Variants in CDK13 observed in about 807,000 individuals in gnomAD.
The protein encoded by CDK13 is cyclin-dependent kinase 13.
Under a neutral mutation model 137.6 loss-of-function variants are expected in CDK13, and 40 were observed. The ratio of observed to expected loss-of-function variants is 0.29; its 90% CI spans 0.23 to 0.38. The LOEUF is 0.38. Ranked by LOEUF, CDK13 falls within the 10% of genes least tolerant of loss-of-function variation. The pLI, the probability that CDK13 is intolerant of heterozygous loss-of-function variation, is 1.00. For synonymous variants in CDK13, 869 were observed against 760.1 expected (o/e 1.14, Z -2.36); for missense variants, 1,704 against 1,951.8 (o/e 0.87, Z 2.39).
intron 7 of CDK13, 111 bp downstream of exon 7, chr7:40,047,988 T>C: frequency 2.9e-6 from 2 of 683,430 alleles, no homozygotes; most frequent in Non-Finnish European, 2.5e-6. Flanking sequence ...TTACTTTTCA[T>C]GGTTAGTACA....
chr7:40,097,763 A>G lies in CDK13; in HGVS notation c.*2783A>G, dbSNP rs1344005208. The stretch of plus-strand genomic sequence containing the variant: ...TCAGTATGTTTCCTACGTCTTCATT[A>G]TTTGTTGGAGAGTTGCAAGTCATTT... On this transcript the variant is annotated 3_prime_UTR_variant, in exon 14 of 14. Coordinates refer to ENST00000181839, the MANE Select transcript of CDK13 (RefSeq NM_003718.5). The G allele has an allele frequency of 2.6e-5, 4 of 152,048 alleles. No individual in the cohort carries two copies. Among genetic ancestry groups the G allele is most frequent in the Admixed American group, 2.6e-4 (4 of 15,260 alleles). 9.4% of individuals were successfully genotyped at this position (152,048 alleles called of 1,614,324 possible).
At chr7:40,064,957 A>ATTTTTTTTTTT (rs56710188) in intron 9 of CDK13, among the ~76,000 whole-genome samples, 2 of 46,142 alleles carry the variant, frequency 4.3e-5, no homozygotes, top group Non-Finnish European at 4.0e-5. Context: ...ATGCTGGGTG[A>ATTTTTTTTTTT]TTTTTTTTTT....
intron 7 of CDK13, among the ~76,000 whole-genome samples, chr7:40,055,180 G>GTGTGTGTGTGTGTGTT (rs1785986659): frequency 6.6e-6 from 1 of 151,910 alleles, no homozygotes; most frequent in African/African-American, 2.4e-5. Context: ...GTGTGTGTGT[G>GTGTGTGTGTGTGTGTT]TGTGTGTGTG....
At position 39,974,658 on chromosome 7, in the gene CDK13, G is replaced by T. The variant is rs113400330; in HGVS notation, c.1212-12941G>T. Among the ~76,000 whole-genome samples the T allele has an allele frequency of 4.1e-3, 622 of 151,944 alleles. 4 individuals are homozygous for T. Among genetic ancestry groups the T allele is most frequent in the African/African-American group, 0.014 (566 of 41,416 alleles). ...TGGCTCACTGCAACTCTGCCTCCTGGGTTCAAGTGATTCTCCTGCCTCAGC... is the reference window on the plus strand; with the variant it reads ...TGGCTCACTGCAACTCTGCCTCCTGTGTTCAAGTGATTCTCCTGCCTCAGC... On this transcript the variant is annotated intron_variant, in intron 1 of 13. Coordinates refer to ENST00000181839, the MANE Select transcript of CDK13 (RefSeq NM_003718.5).
chr7:40,035,953 A>G (rs1222741499), intron 5 of CDK13, among the ~76,000 whole-genome samples: 1 of 152,062 alleles, frequency 6.6e-6, no homozygotes, highest in East Asian at 1.9e-4. Context: ...TTGAGCCCCC[A>G]GGAGTTTGAG....
intron 1 of CDK13, among the ~76,000 whole-genome samples, chr7:39,954,355 C>T (rs1396929167): frequency 6.6e-6 from 1 of 152,156 alleles, no homozygotes; most frequent in Non-Finnish European, 1.5e-5. Flanking sequence ...ATTGAACTCA[C>T]TTGTACAGAT....
chr7:40,028,358 A>G (rs187433117), intron 5 of CDK13, among the ~76,000 whole-genome samples: 2 of 151,936 alleles, frequency 1.3e-5, no homozygotes, highest in Non-Finnish European at 2.9e-5. Flanking sequence ...AGCTGGGACG[A>G]CAGGCACCTG....
At chr7:40,076,695 G>A (rs1231800771) in intron 9 of CDK13, among the ~76,000 whole-genome samples, 2 of 151,834 alleles carry the variant, frequency 1.3e-5, no homozygotes, top group African/African-American at 2.4e-5. Flanking sequence ...AGTGACATAC[G>A]GCTTTAAAAA....
chr7:39,984,269 GGCATGGTGGC>G (rs1295876964), intron 1 of CDK13: 13 of 152,058 alleles, frequency 8.5e-5, no homozygotes, highest in African/African-American at 2.9e-4. Flanking sequence ...AAGTTAGCTG[GGCATGGTGGC>G]GCACACCTGT....
chr7:40,001,287 T>G (rs915741671), intron 4 of CDK13, among the ~76,000 whole-genome samples: 8 of 150,880 alleles, frequency 5.3e-5, no homozygotes, highest in East Asian at 1.9e-4. Flanking sequence ...CAGTGGCGTG[T>G]CGTGATCTTG....
intron 9 of CDK13, among the ~76,000 whole-genome samples, chr7:40,076,268 A>G (rs1361867706): frequency 6.6e-6 from 1 of 152,234 alleles, no homozygotes; most frequent in Non-Finnish European, 1.5e-5. Flanking sequence ...CAACTAAAAT[A>G]CAGAGCAGGA....
chr7:40,028,825 A>C (rs997676568), intron 5 of CDK13, among the ~76,000 whole-genome samples: 4 of 151,652 alleles, frequency 2.6e-5, no homozygotes, highest in Non-Finnish European at 4.4e-5. Flanking sequence ...GCAAATATAT[A>C]TAAATATATA....
At chr7:40,081,732 C>G (rs1038960836) in intron 11 of CDK13, among the ~76,000 whole-genome samples, 1 of 152,118 alleles carries the variant, frequency 6.6e-6, no homozygotes, top group Non-Finnish European at 1.5e-5. Flanking sequence ...GTTGCCTCAG[C>G]CTCCTGAGTA....
At chr7:40,062,756 A>G in intron 7 of CDK13, 70 bp from the exon 8 acceptor site, 1 of 1,107,206 alleles carries the variant, frequency 9.0e-7, no homozygotes, top group Non-Finnish European at 1.4e-6. Flanking sequence ...TAGTAAAATA[A>G]TATTTCCTCA....
intron 7 of CDK13, among the ~76,000 whole-genome samples, chr7:40,056,938 A>G (rs142357250): frequency 6.6e-6 from 1 of 152,366 alleles, no homozygotes; most frequent in Non-Finnish European, 1.5e-5. Context: ...TGAGAAGTTT[A>G]TATATGTATT....
chr7:40,041,793 A>G (rs1202690701), intron 5 of CDK13, among the ~76,000 whole-genome samples: 1 of 152,234 alleles, frequency 6.6e-6, no homozygotes, highest in East Asian at 1.9e-4. Flanking sequence ...TCAAAGTTAC[A>G]TGGAGTGGCA....
In CDK13 at chr7:40,097,082, T is replaced by A. The variant is rs1787065547; in HGVS notation, c.*2102T>A. 1 of 152,174 alleles carries A rather than the reference T, an allele frequency of 6.6e-6. No homozygotes were observed. The highest frequency in any genetic ancestry group is 2.4e-5 in the African/African-American group (1 of 41,466). 9.4% of individuals were successfully genotyped at this position (152,174 alleles called of 1,614,324 possible). On this transcript the variant is annotated 3_prime_UTR_variant, in exon 14 of 14. Transcript: ENST00000181839. ...GCTAACCTACAGTTGAAGATATTTA[T>A]GTGACATGAATAGCCTGTGTTTTAA...
chr7:39,981,579 A>G (rs1308544016), intron 1 of CDK13, among the ~76,000 whole-genome samples: 1 of 152,172 alleles, frequency 6.6e-6, no homozygotes, highest in Non-Finnish European at 1.5e-5. Flanking sequence ...TTAGGTTCCC[A>G]AACCATGTTT....
intron 5 of CDK13, among the ~76,000 whole-genome samples, chr7:40,037,801 T>C (rs932748886): frequency 6.6e-6 from 1 of 152,188 alleles, no homozygotes; most frequent in African/African-American, 2.4e-5. Context: ...AATTTCAAAG[T>C]AACAATGCTG....
Sources: gnomAD v4.1 joint callset for allele counts (sites outside exome capture counted in the v4.1 genomes callset) on GRCh38, gnomAD v4.1.1 for gene constraint, MANE v1.5 for transcripts, NCBI Gene and HGNC (gene_info 2026-07-23, HGNC 2026-07-21) for gene names.